The following ANKRD55 variants were observed in gnomAD, a reference collection of about 807,000 sequenced individuals.
ANKRD55 encodes ankyrin repeat domain 55, also known as ankyrin repeat domain-containing protein 55.
In ANKRD55, 41 loss-of-function variants were observed where a neutral mutation model predicts 60.6. That is an observed-to-expected ratio of 0.68 (90% CI 0.53 to 0.88). The LOEUF (loss-of-function observed/expected upper bound fraction) is 0.88. Ranked by LOEUF, ANKRD55 falls within the 40% of genes least tolerant of loss-of-function variation. The probability of loss-of-function intolerance (pLI) is 0.00; values close to 1 mark genes in which losing one functional copy is unlikely to be tolerated. For missense variants in ANKRD55, 732 were observed against 767.6 expected (o/e 0.95, Z 0.55); for synonymous variants, 264 against 290.3 (o/e 0.91, Z 0.92).
chr5:56,102,251 G>A (rs762478832), intron 11 of ANKRD55, among the ~76,000 whole-genome samples: 37 of 152,064 alleles, frequency 2.4e-4, no homozygotes, highest in African/African-American at 7.2e-4. Flanking sequence ...TTAGCCAGGC[G>A]TGGTGGCAGG....
chr5:56,216,133 G>C (rs1445417210), intron 2 of ANKRD55, among the ~76,000 whole-genome samples: 2 of 151,872 alleles, frequency 1.3e-5, no homozygotes, highest in Non-Finnish European at 2.9e-5. Context: ...TAAGGAAATA[G>C]ATGTGAATAT....
In ANKRD55 at chr5:56,185,182, C is replaced by A. The variant is rs573508989; in HGVS notation, c.59-1548G>T. 7.2e-5 allele frequency among the ~76,000 whole-genome samples: 11 copies of A among 151,790 alleles called. 1 individual carries two copies. The highest frequency in any genetic ancestry group is 2.2e-4 in the African/African-American group (9 of 41,404). On this transcript the variant is annotated intron_variant, in intron 2 of 11. Transcript: ENST00000341048. ...AGGGTGCAGTGAGCCGAGATTGCAC[C>A]ACTGCACTCTAGCCTGGGCGACAGA...
chr5:56,104,568 TGGGGACAGG>T lies in ANKRD55; in HGVS notation c.1631-1991_1631-1983del, dbSNP rs1561247279. On this transcript the variant is annotated intron_variant, in intron 10 of 11. Transcript: ENST00000341048. Reference sequence around the variant, plus strand: ...GGCAACTCCAGGGAGTGTTCAGCTTTGGGGACAGGGTCAAGGACCACTGTCCTAGAAAAA... The same window carrying T: ...GGCAACTCCAGGGAGTGTTCAGCTTTGTCAAGGACCACTGTCCTAGAAAAA... Among the ~76,000 whole-genome samples the T allele has an allele frequency of 8.5e-5, 13 of 152,150 alleles. No homozygotes were observed. In the East Asian group the frequency reaches 1.9e-3, roughly 23 times the overall value.
Position 56,183,559 on chromosome 5 carries a change from GCAGT to G in ANKRD55, c.130_133del (p.Thr44GlnfsTer2), listed in dbSNP as rs1758899229. On this transcript the variant is annotated frameshift_variant, in exon 3 of 12. Coordinates refer to ENST00000341048, the MANE Select transcript of ANKRD55 (RefSeq NM_024669.3). LOFTEE classifies it high-confidence loss of function. ...GATAGAAGGGTCTTCCCGAATCACT[GCAGT>G]CAGAGCATTGACATCTCCATTAGAG... The G allele has an allele frequency of 6.2e-7, 1 of 1,614,070 alleles. No individual in the cohort carries two copies. Among genetic ancestry groups the G allele is most frequent in the South Asian group, 1.1e-5 (1 of 91,084 alleles).
intron 4 of ANKRD55, among the ~76,000 whole-genome samples, chr5:56,171,586 G>A (rs1424967732): frequency 6.6e-6 from 1 of 152,084 alleles, no homozygotes; most frequent in Non-Finnish European, 1.5e-5. Flanking sequence ...AGTTTGGCTC[G>A]CATGCTAAAG....
intron 9 of ANKRD55, among the ~76,000 whole-genome samples, chr5:56,113,983 A>G (rs1212158181): frequency 2.8e-5 from 2 of 71,558 alleles, no homozygotes; most frequent in African/African-American, 1.2e-4. Flanking sequence ...CAAAATATGT[A>G]TACTATATAT....
rs552949726 is a variant in ANKRD55, at chr5:56,197,835, G to A, written c.59-14201C>T. On this transcript the variant is annotated intron_variant, in intron 2 of 11. Coordinates refer to ENST00000341048, the MANE Select transcript of ANKRD55 (RefSeq NM_024669.3). Reference sequence around the variant, plus strand: ...GGAATTGGATTTGAGCATTAAATTTGCTAACTGGTTATTTTCACAATTGTT... The same window carrying A: ...GGAATTGGATTTGAGCATTAAATTTACTAACTGGTTATTTTCACAATTGTT... Among the ~76,000 whole-genome samples the A allele has an allele frequency of 2.6e-5, 4 of 152,208 alleles. No individual in the cohort carries two copies. In the East Asian group the frequency reaches 5.8e-4, roughly 22 times the overall value.
intron 8 of ANKRD55, among the ~76,000 whole-genome samples, chr5:56,122,715 A>G (rs551500246): frequency 4.0e-5 from 6 of 151,850 alleles, no homozygotes; most frequent in African/African-American, 1.2e-4. Context: ...TCACAAAACT[A>G]TGTTCTGATT....
At chr5:56,185,964 G>GT (rs1758962909) in intron 2 of ANKRD55, among the ~76,000 whole-genome samples, 1 of 152,146 alleles carries the variant, frequency 6.6e-6, no homozygotes, top group Admixed American at 6.5e-5. Flanking sequence ...GTATTTTGTT[G>GT]TTTTCGTTTG....
In ANKRD55 at chr5:56,111,428, G is replaced by A; in HGVS notation, c.1320C>T (p.Ile440=). 6.2e-7 allele frequency: 1 copy of A among 1,614,200 alleles called. No individual in the cohort carries two copies. Among genetic ancestry groups the A allele is most frequent in the East Asian group, 2.2e-5 (1 of 44,888 alleles). The part of the protein sequence containing the change: ...PPIRTQSLPP[I]TLGNNFLTAS... ...CTGTTAGGAAGTTATTGCCCAGGGT[G>A]ATGGGTGGGAGACTCTGCGTTCTGA... The change falls in exon 10 of 12, where the codon ATC becomes ATT. Residue 440 remains isoleucine (I), a synonymous_variant. Transcript: ENST00000341048.
intron 2 of ANKRD55, among the ~76,000 whole-genome samples, chr5:56,189,006 T>A (rs570328834): frequency 5.2e-4 from 79 of 152,168 alleles, no homozygotes; most frequent in South Asian, 8.3e-4. Flanking sequence ...CATATTGAGG[T>A]CTATGGTCTC....
chr5:56,177,486 C>T lies in ANKRD55; in HGVS notation c.182-1204G>A, dbSNP rs551426106. On this transcript the variant is annotated intron_variant, in intron 3 of 11. Coordinates refer to ENST00000341048, the MANE Select transcript of ANKRD55 (RefSeq NM_024669.3). ...TGCTCAGTAAGTAAAGCTAAAGAAT[C>T]CCTAGATAGGCCGGGTGTGGTGGCT... 1.6e-4 allele frequency among the ~76,000 whole-genome samples: 25 copies of T among 152,184 alleles called. No homozygotes were observed. In the South Asian group the frequency reaches 3.3e-3, roughly 20 times the overall value.
chr5:56,194,463 C>T (rs1759185320), intron 2 of ANKRD55, among the ~76,000 whole-genome samples: 1 of 151,956 alleles, frequency 6.6e-6, no homozygotes, highest in African/African-American at 2.4e-5. Flanking sequence ...GGAAATTTTG[C>T]TGTGATTATT....
At chr5:56,193,589 G>C (rs1759160705) in intron 2 of ANKRD55, 1 of 328,260 alleles carries the variant, frequency 3.0e-6, no homozygotes, top group Admixed American at 3.8e-5. Flanking sequence ...AAGGAAATTA[G>C]TCAAGCAAAC....
chr5:56,109,676 C>A (rs547314547), intron 10 of ANKRD55, among the ~76,000 whole-genome samples: 4 of 151,654 alleles, frequency 2.6e-5, no homozygotes, highest in African/African-American at 9.7e-5. Context: ...TTCTTTAGTG[C>A]GATAAATTTA....
At chr5:56,214,386 G>A (rs757318241) in intron 2 of ANKRD55, among the ~76,000 whole-genome samples, 10 of 152,314 alleles carry the variant, frequency 6.6e-5, no homozygotes, top group East Asian at 1.9e-4. Flanking sequence ...TGGGCCCGGC[G>A]TGGTGCCAGG....
intron 9 of ANKRD55, among the ~76,000 whole-genome samples, chr5:56,112,271 C>T (rs1756734974): frequency 6.6e-6 from 1 of 151,840 alleles, no homozygotes; most frequent in Non-Finnish European, 1.5e-5. Context: ...GACAGAGATC[C>T]TAGAAAACCT....
At chr5:56,158,292 C>T (rs1384172508) in intron 6 of ANKRD55, among the ~76,000 whole-genome samples, 2 of 152,102 alleles carry the variant, frequency 1.3e-5, no homozygotes, top group Non-Finnish European at 2.9e-5. Flanking sequence ...ATAATGTAAT[C>T]GGCATCTTTG....
intron 2 of ANKRD55, among the ~76,000 whole-genome samples, chr5:56,217,553 A>C (rs1017373321): frequency 6.7e-6 from 1 of 148,850 alleles, no homozygotes; most frequent in African/African-American, 2.6e-5. Flanking sequence ...TGCCAGAGAA[A>C]ATAAAAAAAA....
Sources: allele counts gnomAD v4.1 joint callset (sites outside exome capture counted in the v4.1 genomes callset), GRCh38; gene constraint gnomAD v4.1.1; transcripts MANE v1.5; gene names NCBI Gene and HGNC (gene_info 2026-07-23, HGNC 2026-07-21).